Variants in GRIP1 observed in about 807,000 individuals in gnomAD.
GRIP1 encodes glutamate receptor interacting protein 1.
Under a neutral mutation model 129.9 loss-of-function variants are expected in GRIP1, and 45 were observed. The ratio of observed to expected loss-of-function variants is 0.35; its 90% CI spans 0.27 to 0.44. The LOEUF (loss-of-function observed/expected upper bound fraction) is 0.44. Among genes scored for constraint, GRIP1 ranks in the 20% least tolerant of loss-of-function variants. The pLI is 1.00. For synonymous variants in GRIP1, 530 were observed against 520.8 expected (o/e 1.02, Z -0.24); for missense variants, 1,196 against 1,396.8 (o/e 0.86, Z 2.29).
At chr12:66,489,131 A>G (rs2060037288) in intron 7 of GRIP1, among the ~76,000 whole-genome samples, 1 of 152,204 alleles carries the variant, frequency 6.6e-6, no homozygotes, top group Admixed American at 6.5e-5. Context: ...TGAGACCAGC[A>G]TCATTCTGGT....
At chr12:66,896,698 C>T (rs1373746308) in intron 1 of GRIP1, among the ~76,000 whole-genome samples, 1 of 152,146 alleles carries the variant, frequency 6.6e-6, no homozygotes, top group African/African-American at 2.4e-5. Context: ...TAAAATACTG[C>T]TGCAAAGAAC....
At chr12:66,562,976 T>A (rs375379600) in intron 2 of GRIP1, among the ~76,000 whole-genome samples, 1 of 151,874 alleles carries the variant, frequency 6.6e-6, no homozygotes, top group African/African-American at 2.4e-5. Context: ...AAGGTCTTCA[T>A]CCTTGTCTTC....
chr12:66,856,670 G>A (rs1592906376), intron 1 of GRIP1, among the ~76,000 whole-genome samples: 2 of 151,582 alleles, frequency 1.3e-5, no homozygotes, highest in Non-Finnish European at 2.9e-5. Flanking sequence ...AAACCACAAT[G>A]AGATACCATC....
At chr12:66,629,446 A>G (rs1445291959) in intron 1 of GRIP1, among the ~76,000 whole-genome samples, 2 of 152,216 alleles carry the variant, frequency 1.3e-5, no homozygotes. Context: ...GCTCCCTAAT[A>G]ACAATAAGCT....
rs1475289298 is a variant in GRIP1, at chr12:67,011,302, TCCA to T, written c.58+57745_58+57747del. On this transcript the variant is annotated intron_variant, in intron 1 of 1. Transcript: ENST00000643019. ...TTACTCAACACATGGAAGCAACCAG[TCCA>T]CCAAATAGCTAATGCAACCACTCCT... Among the ~76,000 whole-genome samples, 4 of 152,108 alleles carry T rather than the reference TCCA, an allele frequency of 2.6e-5. No homozygotes were observed. In the East Asian group the frequency reaches 7.7e-4, roughly 29 times the overall value.
At chr12:66,429,162 G>T (rs2058071436) in intron 14 of GRIP1, among the ~76,000 whole-genome samples, 1 of 152,168 alleles carries the variant, frequency 6.6e-6, no homozygotes, top group African/African-American at 2.4e-5. Flanking sequence ...CAGTCAATTA[G>T]GTATGAAGAG....
chr12:66,928,959 T>C (rs1380680141), intron 1 of GRIP1, among the ~76,000 whole-genome samples: 2 of 152,142 alleles, frequency 1.3e-5, no homozygotes, highest in Non-Finnish European at 2.9e-5. Context: ...CTCCAGACCA[T>C]TACCCTCATG....
intron 1 of GRIP1, among the ~76,000 whole-genome samples, chr12:67,049,947 G>T (rs2043315187): frequency 6.7e-6 from 1 of 148,454 alleles, no homozygotes; most frequent in African/African-American, 2.5e-5. Flanking sequence ...GCATTTCTTT[G>T]CATTTTTTGC....
intron 1 of GRIP1, among the ~76,000 whole-genome samples, chr12:66,648,523 T>C (rs1319310205): frequency 6.6e-6 from 1 of 152,220 alleles, no homozygotes; most frequent in African/African-American, 2.4e-5. Context: ...CCATAAAGCA[T>C]TCCAGTGTGA....
chr12:67,003,901 A>C (rs1281427475), intron 1 of GRIP1, among the ~76,000 whole-genome samples: 3 of 152,152 alleles, frequency 2.0e-5, no homozygotes, highest in Non-Finnish European at 4.4e-5. Context: ...TGGAGACTAG[A>C]AGCCTGGAAT....
intron 1 of GRIP1, among the ~76,000 whole-genome samples, chr12:66,622,423 T>A (rs1391125712): frequency 6.6e-6 from 1 of 152,042 alleles, no homozygotes; most frequent in African/African-American, 2.4e-5. Flanking sequence ...TAAGGAAATA[T>A]ATTTGGATTG....
intron 1 of GRIP1, among the ~76,000 whole-genome samples, chr12:67,003,470 T>C (rs2042581284): frequency 1.3e-5 from 2 of 152,234 alleles, no homozygotes; most frequent in East Asian, 3.9e-4. Flanking sequence ...GGCAGGCAGA[T>C]TGCCTGAGCT....
At chr12:66,706,023 A>G (rs1352674446) in intron 1 of GRIP1, among the ~76,000 whole-genome samples, 3 of 152,220 alleles carry the variant, frequency 2.0e-5, no homozygotes, top group Non-Finnish European at 4.4e-5. Flanking sequence ...AAACACCAAA[A>G]GCAACTGCAA....
At chr12:66,397,900 A>G (rs1335029360) in intron 16 of GRIP1, among the ~76,000 whole-genome samples, 1 of 152,226 alleles carries the variant, frequency 6.6e-6, no homozygotes, top group Non-Finnish European at 1.5e-5. Flanking sequence ...AAAGAAAATA[A>G]TATCAATTCC....
chr12:66,610,437 G>A (rs1034959906), intron 1 of GRIP1, among the ~76,000 whole-genome samples: 21 of 151,978 alleles, frequency 1.4e-4, no homozygotes, highest in African/African-American at 4.8e-4. Context: ...AAATACAATG[G>A]GCAAAAGTCG....
intron 19 of GRIP1, among the ~76,000 whole-genome samples, chr12:66,380,530 T>C (rs1169985431): frequency 1.3e-5 from 2 of 152,256 alleles, no homozygotes; most frequent in South Asian, 2.1e-4. Context: ...CAGTGAGGAA[T>C]GGCTTTGGCA....
At chr12:67,013,677 CAAAT>C (rs2042742240) in intron 1 of GRIP1, among the ~76,000 whole-genome samples, 1 of 152,130 alleles carries the variant, frequency 6.6e-6, no homozygotes, top group South Asian at 2.1e-4. Flanking sequence ...GCTGAGGAAA[CAAAT>C]AAAGAAGGGA....
At chr12:66,516,345 G>T (rs952354499) in intron 6 of GRIP1, among the ~76,000 whole-genome samples, 13 of 152,266 alleles carry the variant, frequency 8.5e-5, no homozygotes, top group African/African-American at 3.1e-4. Context: ...TCAAGGCATT[G>T]AGAGATGACT....
chr12:66,552,031 G>T (rs963072928), intron 2 of GRIP1, among the ~76,000 whole-genome samples: 4 of 152,184 alleles, frequency 2.6e-5, no homozygotes, highest in East Asian at 1.9e-4. Flanking sequence ...GAACACTCTG[G>T]AAGTGAAAGA....
Sources: allele counts gnomAD v4.1 joint callset (sites outside exome capture counted in the v4.1 genomes callset), GRCh38; gene constraint gnomAD v4.1.1; transcripts MANE v1.5; gene names NCBI Gene and HGNC (gene_info 2026-07-23, HGNC 2026-07-21).